AGBL1: variants seen among roughly 807,000 people sequenced by gnomAD.
AGBL1 encodes the protein cytosolic carboxypeptidase 4.
AGBL1 carries 130 observed loss-of-function variants against 118.9 expected under a neutral mutation model. The ratio of observed to expected loss-of-function variants is 1.09; its 90% CI spans 0.95 to 1.26. AGBL1 has a LOEUF of 1.26. Ranked by LOEUF, AGBL1 falls within the 50% of genes most tolerant of loss-of-function variation. The pLI is 0.00. For missense variants in AGBL1, 1,584 were observed against 1,298.1 expected, an observed-to-expected ratio of 1.22 and a Z score of -3.38; for synonymous variants, 555 against 478.9, an observed-to-expected ratio of 1.16 and a Z score of -2.08.
intron 5 of AGBL1, among the ~76,000 whole-genome samples, chr15:86,213,190 A>T (rs907627644): frequency 3.3e-5 from 5 of 152,198 alleles, no homozygotes; most frequent in Non-Finnish European, 7.4e-5. Flanking sequence ...GATAGTCCTT[A>T]GTTTTATTTA....
rs540747523 is a variant in AGBL1, at chr15:86,979,590, G to A, written c.3222-8397G>A. Among the ~76,000 whole-genome samples the A allele has an allele frequency of 4.0e-4, 61 of 152,174 alleles. No individual in the cohort carries two copies. The East Asian group carries it at 8.3e-3, about 21-fold the overall frequency. ...TGCAAGCTCCGCCTCCCGGGTTCAC[G>A]CCATTCTCCTGCCTCAGCCTCCGGA... On this transcript the variant is annotated intron_variant, in intron 23 of 24. Transcript: ENST00000441037.
At chr15:86,510,789 C>A (rs1252396243) in intron 18 of AGBL1, among the ~76,000 whole-genome samples, 1 of 152,000 alleles carries the variant, frequency 6.6e-6, no homozygotes, top group Non-Finnish European at 1.5e-5. Context: ...AATAAAGCTG[C>A]AGTTTTAATT....
intron 1 of AGBL1, among the ~76,000 whole-genome samples, chr15:86,106,052 G>A (rs1256211776): frequency 6.6e-6 from 1 of 152,174 alleles, no homozygotes; most frequent in African/African-American, 2.4e-5. Flanking sequence ...TCTGCAAATG[G>A]CACAGGGACA....
At chr15:86,752,167 G>T (rs187309956) in intron 22 of AGBL1, among the ~76,000 whole-genome samples, 10 of 152,170 alleles carry the variant, frequency 6.6e-5, no homozygotes, top group Admixed American at 3.9e-4. Context: ...TTTGTGTGCC[G>T]TGATGCCAGG....
intron 22 of AGBL1, among the ~76,000 whole-genome samples, chr15:86,890,467 C>T (rs575830662): frequency 6.2e-4 from 94 of 152,166 alleles, no homozygotes; most frequent in Non-Finnish European, 1.2e-3. Flanking sequence ...AAATCTTTGC[C>T]TGTGCCTGTG....
intron 21 of AGBL1, among the ~76,000 whole-genome samples, chr15:86,660,241 G>A (rs376081148): frequency 4.6e-5 from 7 of 151,898 alleles, no homozygotes; most frequent in Non-Finnish European, 8.8e-5. Context: ...CCGATTGACC[G>A]GGGCTTCATG....
rs1567159814 is a variant in AGBL1 at position 86,256,901 on chromosome 15, C to G, written c.784C>G (p.Gln262Glu). The G allele has an allele frequency of 6.2e-7, 1 of 1,613,954 alleles. No homozygotes were observed. Among genetic ancestry groups the G allele is most frequent in the East Asian group, 2.2e-5 (1 of 44,870 alleles). The change falls in exon 8 of 23, where the codon CAG becomes GAG. Residue 262 changes from glutamine to glutamate, a missense_variant. Gln to Glu is a conservative substitution (Grantham distance 29). Transcript: ENST00000614907. ...SMEPVISVVLQILRQCYPTSP... is the reference protein window; with the variant it reads ...SMEPVISVVLEILRQCYPTSP... ...GGAGCCCGTCATCTCTGTGGTGCTT[C>G]AGATCCTGAGGCAGTGCTACCCTAC...
At chr15:86,265,419 G>A (rs1195667789) in intron 11 of AGBL1, among the ~76,000 whole-genome samples, 1 of 152,162 alleles carries the variant, frequency 6.6e-6, no homozygotes, top group Non-Finnish European at 1.5e-5. Context: ...AGGCAGGAAA[G>A]GGAGCTTTAC....
intron 22 of AGBL1, among the ~76,000 whole-genome samples, chr15:86,844,023 G>A (rs1052788381): frequency 3.3e-5 from 5 of 152,090 alleles, no homozygotes; most frequent in African/African-American, 1.2e-4. Flanking sequence ...ATGGCATAAG[G>A]TTTTGGAGAT....
At chr15:86,853,827 C>T (rs994000080) in intron 22 of AGBL1, among the ~76,000 whole-genome samples, 17 of 152,216 alleles carry the variant, frequency 1.1e-4, no homozygotes, top group African/African-American at 4.1e-4. Flanking sequence ...TACTCCCAAC[C>T]CTGTCATTTA....
chr15:86,357,367 T>C (rs1202731701), intron 17 of AGBL1, among the ~76,000 whole-genome samples: 1 of 152,222 alleles, frequency 6.6e-6, no homozygotes, highest in Admixed American at 6.5e-5. Context: ...GCCAGGATGC[T>C]GTACAGAGAA....
At chr15:86,423,398 A>T (rs1032959610) in intron 18 of AGBL1, among the ~76,000 whole-genome samples, 1 of 152,196 alleles carries the variant, frequency 6.6e-6, no homozygotes, top group Non-Finnish European at 1.5e-5. Flanking sequence ...AAAACTCTCA[A>T]TAAACTAGGT....
At chr15:86,380,728 C>T (rs16976566) in intron 17 of AGBL1, among the ~76,000 whole-genome samples, 27,146 of 152,232 alleles carry the variant, frequency 0.18, 2,749 homozygotes, top group African/African-American at 0.27. Flanking sequence ...ACATGCTTGG[C>T]TTAAAAATCT....
At chr15:86,214,218 G>C (rs188213313) in intron 5 of AGBL1, among the ~76,000 whole-genome samples, 5 of 152,196 alleles carry the variant, frequency 3.3e-5, no homozygotes, top group African/African-American at 9.7e-5. Flanking sequence ...GAAACTGTCT[G>C]CTGGGTGCCT....
intron 18 of AGBL1, among the ~76,000 whole-genome samples, chr15:86,503,921 T>C (rs932094425): frequency 6.6e-6 from 1 of 151,666 alleles, no homozygotes; most frequent in Admixed American, 6.6e-5. Flanking sequence ...AAGTGTTCTA[T>C]AGATGTCTGT....
chr15:86,583,097 T>G (rs894912350), intron 21 of AGBL1, among the ~76,000 whole-genome samples: 10 of 151,942 alleles, frequency 6.6e-5, no homozygotes, highest in Non-Finnish European at 1.3e-4. Flanking sequence ...GTAAATATGA[T>G]TAGCTATTAT....
chr15:86,545,419 G>A (rs2083566487), intron 19 of AGBL1, among the ~76,000 whole-genome samples: 1 of 152,026 alleles, frequency 6.6e-6, no homozygotes, highest in African/African-American at 2.4e-5. Flanking sequence ...TAACCTTCAA[G>A]TTCAGGGGTA....
intron 22 of AGBL1, among the ~76,000 whole-genome samples, chr15:86,679,399 T>C (rs2085909519): frequency 1.3e-5 from 2 of 152,072 alleles, no homozygotes; most frequent in South Asian, 2.1e-4. Flanking sequence ...GTTTTAGTTA[T>C]ATAGGAAATT....
At chr15:86,893,916 A>G (rs1315671688) in intron 22 of AGBL1, among the ~76,000 whole-genome samples, 1 of 152,226 alleles carries the variant, frequency 6.6e-6, no homozygotes, top group Non-Finnish European at 1.5e-5. Flanking sequence ...CATTTTACAC[A>G]TGAAGACAAC....
Sources: gnomAD v4.1 joint callset for allele counts (sites outside exome capture counted in the v4.1 genomes callset) on GRCh38, gnomAD v4.1.1 for gene constraint, MANE v1.5 for transcripts, NCBI Gene and HGNC (gene_info 2026-07-23, HGNC 2026-07-21) for gene names.